CDH8: variants seen among roughly 807,000 people sequenced by gnomAD.
CDH8 encodes cadherin 8, also known as cadherin-8.
Under a neutral mutation model 68.1 loss-of-function variants are expected in CDH8, and 17 were observed. The observed-to-expected ratio is 0.25, with a 90% CI of 0.17 to 0.37. The LOEUF (loss-of-function observed/expected upper bound fraction) is 0.37. Among genes scored for constraint, CDH8 ranks in the 10% least tolerant of loss-of-function variants. CDH8 has a pLI of 1.00. For synonymous variants in CDH8, 372 were observed against 365.1 expected (o/e 1.02, Z -0.21); for missense variants, 763 against 999.3 (o/e 0.76, Z 3.19).
chr16:61,943,455 A>G (rs1402576006), intron 2 of CDH8, among the ~76,000 whole-genome samples: 1 of 152,232 alleles, frequency 6.6e-6, no homozygotes. Context: ...CCTTCTTTAG[A>G]TTAGTTTGGG....
At chr16:61,803,673 A>C (rs1349404239) in intron 7 of CDH8, among the ~76,000 whole-genome samples, 1 of 151,264 alleles carries the variant, frequency 6.6e-6, no homozygotes, top group East Asian at 1.9e-4. Flanking sequence ...CAATCCTAGT[A>C]TCTGATAAAA....
At chr16:61,738,731 A>T (rs759028519) in intron 8 of CDH8, among the ~76,000 whole-genome samples, 4 of 152,122 alleles carry the variant, frequency 2.6e-5, no homozygotes, top group Non-Finnish European at 5.9e-5. Context: ...TTAATTATTT[A>T]AGTATGCTTA....
In CDH8 at chr16:61,713,867, G is replaced by A. The variant is rs1402685619; in HGVS notation, c.1628C>T (p.Pro543Leu). The change falls in exon 10 of 12, where the codon CCG becomes CTG. Residue 543 changes from proline (P) to leucine (L), a missense_variant. By Grantham distance (98) the Pro-to-Leu change is moderately conservative. Coordinates refer to ENST00000577390, the MANE Select transcript of CDH8 (RefSeq NM_001796.5). ...TTCATTTTTCTTGATGGTGAAATTC[G>A]GATTGTTGACCATTTCTGGAAGGAG... is the stretch of plus-strand genomic sequence containing the variant. ...YSLLPEMVNN[P>L]NFTIKKNEDN... is the part of the protein sequence containing the mutation. The A allele has an allele frequency of 2.5e-6, 4 of 1,590,436 alleles. No individual in the cohort carries two copies. The highest frequency in any genetic ancestry group is 2.6e-6 in the Non-Finnish European group (3 of 1,159,660).
intron 8 of CDH8, among the ~76,000 whole-genome samples, chr16:61,765,592 TAA>T (rs144364296): frequency 8.9e-4 from 136 of 152,148 alleles, no homozygotes; most frequent in Middle Eastern, 3.4e-3. Flanking sequence ...TAGATTAATG[TAA>T]GAGAGTTCTA....
At chr16:61,883,202 T>G (rs551749637) in intron 3 of CDH8, among the ~76,000 whole-genome samples, 23 of 152,280 alleles carry the variant, frequency 1.5e-4, no homozygotes, top group African/African-American at 5.5e-4. Flanking sequence ...GTATAGCATG[T>G]TGCCCACCAA....
At chr16:61,728,842 T>C (rs1227872728) in intron 8 of CDH8, among the ~76,000 whole-genome samples, 1 of 150,916 alleles carries the variant, frequency 6.6e-6, no homozygotes, top group Non-Finnish European at 1.5e-5. Flanking sequence ...TGTGTGACTC[T>C]GAGCAATTAA....
intron 2 of CDH8, among the ~76,000 whole-genome samples, chr16:61,994,820 C>A (rs1430551582): frequency 6.6e-6 from 1 of 152,204 alleles, no homozygotes; most frequent in Non-Finnish European, 1.5e-5. Flanking sequence ...ACATATTTCT[C>A]AATTCTTGTT....
chr16:61,739,170 C>T (rs1355419736), intron 8 of CDH8, among the ~76,000 whole-genome samples: 1 of 152,056 alleles, frequency 6.6e-6, no homozygotes, highest in East Asian at 1.9e-4. Context: ...AGGATTGACT[C>T]GAGATTATTG....
At chr16:61,759,052 C>G (rs1182834256) in intron 8 of CDH8, among the ~76,000 whole-genome samples, 1 of 152,134 alleles carries the variant, frequency 6.6e-6, no homozygotes, top group Non-Finnish European at 1.5e-5. Context: ...CATAGACCCT[C>G]TACTAAGAAT....
chr16:61,826,017 C>T (rs1180483798), intron 4 of CDH8, among the ~76,000 whole-genome samples: 1 of 151,704 alleles, frequency 6.6e-6, no homozygotes, highest in East Asian at 1.9e-4. Flanking sequence ...AATCAAAAAT[C>T]CTTATTTAGC....
intron 2 of CDH8, among the ~76,000 whole-genome samples, chr16:62,014,631 G>A (rs186200847): frequency 2.6e-5 from 4 of 152,274 alleles, no homozygotes; most frequent in South Asian, 4.1e-4. Context: ...TTGGCATCCC[G>A]TGTCCTTCAT....
chr16:61,887,555 G>C (rs1276690201), intron 3 of CDH8, among the ~76,000 whole-genome samples: 1 of 152,058 alleles, frequency 6.6e-6, no homozygotes, highest in Non-Finnish European at 1.5e-5. Flanking sequence ...TTGTGCCCCT[G>C]ATGTCTCTTT....
intron 8 of CDH8, among the ~76,000 whole-genome samples, chr16:61,773,365 A>G (rs1013042927): frequency 5.3e-5 from 8 of 151,966 alleles, no homozygotes; most frequent in African/African-American, 1.9e-4. Flanking sequence ...CACTTTGCAA[A>G]GCTTAAAGGA....
intron 3 of CDH8, among the ~76,000 whole-genome samples, chr16:61,882,685 C>T (rs751994341): frequency 9.2e-5 from 14 of 152,058 alleles, no homozygotes; most frequent in Non-Finnish European, 1.6e-4. Flanking sequence ...AGCACATGAA[C>T]ACATAGATGG....
chr16:61,861,738 G>C (rs142619594), intron 3 of CDH8, among the ~76,000 whole-genome samples: 1 of 152,126 alleles, frequency 6.6e-6, no homozygotes, highest in African/African-American at 2.4e-5. Context: ...TCTTGGCCAA[G>C]TAACAAAAGT....
At chr16:61,751,425 G>A (rs910920550) in intron 8 of CDH8, among the ~76,000 whole-genome samples, 6 of 112,904 alleles carry the variant, frequency 5.3e-5, no homozygotes, top group African/African-American at 1.7e-4. Context: ...GCAGTTTAAC[G>A]TATTTAAAAA....
At chr16:61,899,135 C>G (rs1963922283) in intron 3 of CDH8, among the ~76,000 whole-genome samples, 1 of 152,114 alleles carries the variant, frequency 6.6e-6, no homozygotes, top group South Asian at 2.1e-4. Context: ...TCTGGCTCCC[C>G]ACACCCTGAC....
intron 10 of CDH8, among the ~76,000 whole-genome samples, chr16:61,672,612 A>G (rs192275216): frequency 6.6e-6 from 1 of 152,070 alleles, no homozygotes. Context: ...ATGCAAGATT[A>G]TCAGTTATCT....
rs1274836737 is a variant in CDH8, at chr16:61,738,723, AATTATTT to A, written c.1415-11515_1415-11509del. Among the ~76,000 whole-genome samples, 3 of 152,112 alleles carry A rather than the reference AATTATTT, an allele frequency of 2.0e-5. No homozygotes were observed. In the East Asian group the frequency reaches 5.8e-4, roughly 29 times the overall value. ...GTGTTTTATAATGCGTCCTACTTTT[AATTATTT>A]AAGTATGCTTACAAATTTGTTGTCC... On this transcript the variant is annotated intron_variant, in intron 8 of 11. Transcript: ENST00000577390.
Sources: allele counts gnomAD v4.1 joint callset (sites outside exome capture counted in the v4.1 genomes callset), GRCh38; gene constraint gnomAD v4.1.1; transcripts MANE v1.5; gene names NCBI Gene and HGNC (gene_info 2026-07-23, HGNC 2026-07-21).